GMDS: variants seen among roughly 807,000 people sequenced by gnomAD.
The protein encoded by GMDS is GDP-mannose 4,6 dehydratase.
GMDS carries 20 observed loss-of-function variants against 49.9 expected under a neutral mutation model. That is an observed-to-expected ratio of 0.40 (90% CI 0.28 to 0.58). The LOEUF (loss-of-function observed/expected upper bound fraction) is 0.58. GMDS is among the 20% of genes least tolerant of loss of function. The pLI is 0.42. For missense variants in GMDS, 362 were observed against 481.4 expected (o/e 0.75, Z 2.32); for synonymous variants, 177 against 178.6 (o/e 0.99, Z 0.07).
intron 7 of GMDS, among the ~76,000 whole-genome samples, chr6:1,928,198 C>T (rs1265677033): frequency 6.6e-6 from 1 of 152,054 alleles, no homozygotes; most frequent in East Asian, 1.9e-4. Flanking sequence ...AACCCCGTCT[C>T]TACTAAAAAT....
intron 1 of GMDS, among the ~76,000 whole-genome samples, chr6:2,138,720 G>A (rs375194704): frequency 5.3e-5 from 8 of 152,142 alleles, no homozygotes; most frequent in South Asian, 4.1e-4. Flanking sequence ...AATGCAAAAC[G>A]GACTAATAAA....
intron 1 of GMDS, among the ~76,000 whole-genome samples, chr6:2,142,285 T>C (rs1450126721): frequency 1.3e-5 from 2 of 152,162 alleles, no homozygotes; most frequent in African/African-American, 4.8e-5. Flanking sequence ...AAAATGTATA[T>C]GCTGAAGCCC....
chr6:1,664,823 T>C (rs529312262), intron 9 of GMDS, among the ~76,000 whole-genome samples: 10 of 152,246 alleles, frequency 6.6e-5, no homozygotes, highest in Non-Finnish European at 1.3e-4. Flanking sequence ...AAAAATCTCA[T>C]TGATACCAAG....
At chr6:1,840,370 T>C (rs982987805) in intron 7 of GMDS, among the ~76,000 whole-genome samples, 1 of 152,134 alleles carries the variant, frequency 6.6e-6, no homozygotes, top group Non-Finnish European at 1.5e-5. Context: ...CCAAAACTTT[T>C]TGAATGAGTG....
intron 8 of GMDS, among the ~76,000 whole-genome samples, chr6:1,738,422 T>A (rs1372482448): frequency 6.6e-6 from 1 of 152,244 alleles, no homozygotes; most frequent in Non-Finnish European, 1.5e-5. Context: ...ATTACTCAAG[T>A]GATGTCAAAG....
chr6:2,061,674 G>C (rs1771182516), intron 4 of GMDS, among the ~76,000 whole-genome samples: 1 of 137,820 alleles, frequency 7.3e-6, no homozygotes. Flanking sequence ...AGCCGAGATT[G>C]TGTCACTGCA....
In GMDS at chr6:1,737,798, TAC is replaced by T. The variant is rs979372745; in HGVS notation, c.890+4668_890+4669del. On this transcript the variant is annotated intron_variant, in intron 8 of 10. Transcript: ENST00000380815. ...AGATACACATACATACACACATACA[TAC>T]ACACACATACACACACACCACAAAG... Among the ~76,000 whole-genome samples, 17 of 77,314 alleles carry T rather than the reference TAC, an allele frequency of 2.2e-4. 1 individual carries two copies. The highest frequency in any genetic ancestry group is 8.3e-4 in the African/African-American group (17 of 20,424). 50.7% of individuals were successfully genotyped at this position (77,314 alleles called of 152,430 possible).
intron 2 of GMDS, among the ~76,000 whole-genome samples, chr6:2,119,865 G>C (rs1775047225): frequency 6.6e-6 from 1 of 152,114 alleles, no homozygotes; most frequent in Non-Finnish European, 1.5e-5. Flanking sequence ...TTAACAAGGT[G>C]ATAAAATGGA....
intron 7 of GMDS, among the ~76,000 whole-genome samples, chr6:1,799,030 A>G (rs1769845795): frequency 6.6e-6 from 1 of 152,216 alleles, no homozygotes; most frequent in African/African-American, 2.4e-5. Flanking sequence ...TTTGATCACT[A>G]AGACTTGTTT....
intron 8 of GMDS, among the ~76,000 whole-genome samples, chr6:1,730,327 GA>G (rs1766741706): frequency 6.6e-6 from 1 of 152,194 alleles, no homozygotes; most frequent in African/African-American, 2.4e-5. Context: ...CCAAATTCTG[GA>G]AGCTGGAAAG....
chr6:1,774,191 A>C (rs1266776419), intron 7 of GMDS, among the ~76,000 whole-genome samples: 1 of 152,236 alleles, frequency 6.6e-6, no homozygotes, highest in African/African-American at 2.4e-5. Flanking sequence ...CTTAGCTGTA[A>C]TGTTCATATA....
At chr6:1,795,350 T>G (rs1769698313) in intron 7 of GMDS, among the ~76,000 whole-genome samples, 1 of 152,218 alleles carries the variant, frequency 6.6e-6, no homozygotes, top group African/African-American at 2.4e-5. Flanking sequence ...AAAATTACAC[T>G]AATGCATACA....
At chr6:1,692,083 T>C (rs1765192040) in intron 9 of GMDS, among the ~76,000 whole-genome samples, 1 of 152,214 alleles carries the variant, frequency 6.6e-6, no homozygotes, top group African/African-American at 2.4e-5. Flanking sequence ...TTGCTGAGCC[T>C]TCTGGCCTCC....
chr6:2,030,080 G>A (rs190799619), intron 4 of GMDS, among the ~76,000 whole-genome samples: 1 of 151,602 alleles, frequency 6.6e-6, no homozygotes, highest in African/African-American at 2.4e-5. Context: ...GGAAGCGGGT[G>A]CCCACACAGA....
intron 7 of GMDS, among the ~76,000 whole-genome samples, chr6:1,767,204 C>T (rs916079092): frequency 6.6e-6 from 1 of 152,014 alleles, no homozygotes; most frequent in African/African-American, 2.4e-5. Context: ...ACCCACCACC[C>T]CCCCAAATTT....
At chr6:1,762,715 G>A (rs1768206072) in intron 7 of GMDS, among the ~76,000 whole-genome samples, 1 of 152,188 alleles carries the variant, frequency 6.6e-6, no homozygotes. Flanking sequence ...AACACGCTGG[G>A]TCTTCAAAAT....
chr6:1,777,355 AT>A (rs1197845610), intron 7 of GMDS, among the ~76,000 whole-genome samples: 2 of 152,182 alleles, frequency 1.3e-5, no homozygotes, highest in Non-Finnish European at 2.9e-5. Context: ...GATGTGTGAT[AT>A]TTTTTTAAAT....
At chr6:2,186,227 A>G (rs923617246) in intron 1 of GMDS, among the ~76,000 whole-genome samples, 4 of 152,230 alleles carry the variant, frequency 2.6e-5, no homozygotes, top group Non-Finnish European at 5.9e-5. Context: ...GCCTATGCGG[A>G]CCGCTGCAAT....
intron 1 of GMDS, among the ~76,000 whole-genome samples, chr6:2,226,924 A>G (rs1370968286): frequency 1.3e-5 from 2 of 152,186 alleles, no homozygotes; most frequent in Non-Finnish European, 2.9e-5. Flanking sequence ...TCATCCAGGA[A>G]TGATTCCAGA....
Sources: allele counts gnomAD v4.1 joint callset (sites outside exome capture counted in the v4.1 genomes callset), GRCh38; gene constraint gnomAD v4.1.1; transcripts MANE v1.5; gene names NCBI Gene and HGNC (gene_info 2026-07-23, HGNC 2026-07-21).